The following DDC variants were observed in gnomAD, a reference collection of about 807,000 sequenced individuals.
DDC encodes aromatic-L-amino-acid decarboxylase.
Under a neutral mutation model 60.0 loss-of-function variants are expected in DDC, and 43 were observed. The ratio of observed to expected loss-of-function variants is 0.72; its 90% CI spans 0.56 to 0.92. The LOEUF (loss-of-function observed/expected upper bound fraction) is 0.92, where lower values mean the gene tolerates loss of function less well. Ranked by LOEUF, DDC falls within the 40% of genes least tolerant of loss-of-function variation. The pLI is 0.00. For missense variants in DDC, 573 were observed against 620.2 expected (o/e 0.92, Z 0.81); for synonymous variants, 232 against 234.6 (o/e 0.99, Z 0.10).
chr7:50,459,298 G>C (rs977660142), intron 14 of DDC, among the ~76,000 whole-genome samples: 2 of 152,176 alleles, frequency 1.3e-5, no homozygotes, highest in African/African-American at 4.8e-5. Context: ...GAGTGATCTC[G>C]GCTCGCTACA....
At chr7:50,537,037 G>GTTTTTTTTTTTT (rs10574868) in intron 4 of DDC, among the ~76,000 whole-genome samples, 1 of 140,364 alleles carries the variant, frequency 7.1e-6, no homozygotes, top group Non-Finnish European at 1.5e-5. Flanking sequence ...CTAGGAAGTT[G>GTTTTTTTTTTTT]TTTTTTTTTT....
chr7:50,545,564 C>T (rs1049584408), intron 1 of DDC, among the ~76,000 whole-genome samples: 25 of 152,306 alleles, frequency 1.6e-4, no homozygotes, highest in Admixed American at 1.5e-3. Flanking sequence ...CCTCTGCCTC[C>T]CGGGTTCAAG....
intron 9 of DDC, among the ~76,000 whole-genome samples, chr7:50,493,412 G>A (rs1351105032): frequency 4.6e-5 from 7 of 152,170 alleles, no homozygotes; most frequent in Non-Finnish European, 8.8e-5. Context: ...AGCATGTAGG[G>A]AGAGCCACTT....
chr7:50,520,983 T>C (rs994936979), intron 6 of DDC, among the ~76,000 whole-genome samples: 11 of 151,170 alleles, frequency 7.3e-5, no homozygotes, highest in Non-Finnish European at 1.3e-4. Flanking sequence ...ATAATAAGAA[T>C]TAGAGCAGAA....
chr7:50,493,378 G>C (rs1243509622), intron 9 of DDC, among the ~76,000 whole-genome samples: 1 of 152,020 alleles, frequency 6.6e-6, no homozygotes, highest in Non-Finnish European at 1.5e-5. Context: ...GGCATCTGAG[G>C]ACGCCTGCCC....
chr7:50,540,895 G>T (rs753952817), intron 2 of DDC, among the ~76,000 whole-genome samples: 2 of 152,198 alleles, frequency 1.3e-5, no homozygotes, highest in Non-Finnish European at 2.9e-5. Flanking sequence ...TTTAGCAATG[G>T]TAACAAGGGG....
intron 9 of DDC, among the ~76,000 whole-genome samples, chr7:50,489,904 A>G (rs931842392): frequency 5.9e-5 from 9 of 152,246 alleles, no homozygotes; most frequent in African/African-American, 2.2e-4. Context: ...TTTGGTCAAG[A>G]TGATTAAAAT....
chr7:50,528,082 G>A, intron 6 of DDC, 55 bp downstream of exon 6: 1 of 1,595,908 alleles, frequency 6.3e-7, no homozygotes, highest in Non-Finnish European at 8.6e-7. Flanking sequence ...TGTATTTTTA[G>A]TAGAGACGGA....
In DDC at chr7:50,533,092, A is replaced by T. The variant is rs61014246; in HGVS notation, c.436-3750T>A. On this transcript the variant is annotated intron_variant, in intron 4 of 14. Coordinates refer to ENST00000444124, the MANE Select transcript of DDC (RefSeq NM_001082971.2). ...AATCATGGAGTAATACTTTTTTCAA[A>T]CAATATTTAAATAGTGGGAAATGCT... Among the ~76,000 whole-genome samples the T allele has an allele frequency of 8.4e-3, 1,275 of 152,244 alleles. 17 individuals are homozygous for T. Among genetic ancestry groups the T allele is most frequent in the African/African-American group, 0.028 (1,180 of 41,550 alleles).
In DDC at chr7:50,479,777, C is replaced by T. The variant is rs765098329; in HGVS notation, c.1021+10G>A. ...AGAAACAGTCCACAGAAAGCAGGCT[C>T]ACAGCTTACCTGAATCCTGATGGCT... is the stretch of plus-strand genomic sequence containing the variant. On this transcript the variant is annotated intron_variant, in intron 10 of 14. Coordinates refer to ENST00000444124, the MANE Select transcript of DDC (RefSeq NM_001082971.2). The T allele has an allele frequency of 3.1e-6, 5 of 1,612,782 alleles. No individual in the cohort carries two copies. The South Asian group carries it at 4.4e-5, about 14-fold the overall frequency.
At chr7:50,511,462 T>C (rs1024570870) in intron 6 of DDC, among the ~76,000 whole-genome samples, 12 of 152,124 alleles carry the variant, frequency 7.9e-5, no homozygotes, top group South Asian at 6.2e-4. Flanking sequence ...GGTCAGGATT[T>C]CGAGACTAGC....
intron 9 of DDC, among the ~76,000 whole-genome samples, chr7:50,488,497 T>C (rs2042932341): frequency 6.7e-6 from 1 of 148,894 alleles, no homozygotes. Flanking sequence ...TTGTGTGATA[T>C]ATTTTTTGTC....
intron 4 of DDC, among the ~76,000 whole-genome samples, chr7:50,537,280 G>C (rs1585254192): frequency 6.6e-6 from 1 of 152,194 alleles, no homozygotes; most frequent in East Asian, 1.9e-4. Context: ...AGTATTTATA[G>C]CCTCTGAAGC....
chr7:50,499,796 C>T (rs895922330), intron 7 of DDC, among the ~76,000 whole-genome samples: 1 of 152,182 alleles, frequency 6.6e-6, no homozygotes, highest in African/African-American at 2.4e-5. Flanking sequence ...TGCATAGCAG[C>T]CTTGTGGGCA....
chr7:50,492,240 C>T (rs1384469233), intron 9 of DDC, among the ~76,000 whole-genome samples: 1 of 152,232 alleles, frequency 6.6e-6, no homozygotes, highest in African/African-American at 2.4e-5. Context: ...CCCTAGCCAA[C>T]TAATGCAGGC....
At chr7:50,476,733 C>T in intron 10 of DDC, 90 bp from the exon 11 acceptor site, 1 of 1,250,740 alleles carries the variant, frequency 8.0e-7, no homozygotes, top group Middle Eastern at 1.8e-4. Context: ...AGGTAAATTT[C>T]TTGTGTCTTC....
chr7:50,531,597 T>C (rs1418282424), intron 4 of DDC, among the ~76,000 whole-genome samples: 1 of 152,002 alleles, frequency 6.6e-6, no homozygotes, highest in African/African-American at 2.4e-5. Flanking sequence ...TGGGGGAGCT[T>C]AGTTCATGTC....
chr7:50,553,719 T>C (rs2153553386), intron 1 of DDC, among the ~76,000 whole-genome samples: 1 of 152,196 alleles, frequency 6.6e-6, no homozygotes, highest in Admixed American at 6.5e-5. Context: ...ACTCCTGACC[T>C]CATGATCTGC....
intron 6 of DDC, among the ~76,000 whole-genome samples, chr7:50,521,272 T>C (rs1229264688): frequency 6.6e-6 from 1 of 152,118 alleles, no homozygotes; most frequent in East Asian, 1.9e-4. Context: ...ATAACCTCAA[T>C]GGTGCTACAT....
Sources: gnomAD v4.1 joint callset for allele counts (sites outside exome capture counted in the v4.1 genomes callset) on GRCh38, gnomAD v4.1.1 for gene constraint, MANE v1.5 for transcripts, NCBI Gene and HGNC (gene_info 2026-07-23, HGNC 2026-07-21) for gene names.